BTN1A1: variants seen among roughly 807,000 people sequenced by gnomAD.
BTN1A1 encodes bK14H9.2 (butyrophilin, subfamily 1, member A1).
A neutral mutation model predicts 33.1 loss-of-function variants in BTN1A1; 26 were observed. The ratio of observed to expected loss-of-function variants is 0.79; its 90% CI spans 0.58 to 1.09. The LOEUF is 1.09. BTN1A1 is among the 50% of genes least tolerant of loss of function. BTN1A1 has a pLI of 0.00. For synonymous variants in BTN1A1, 235 were observed against 256.2 expected, an observed-to-expected ratio of 0.92 and a Z score of 0.79; for missense variants, 558 against 655.7, an observed-to-expected ratio of 0.85 and a Z score of 1.63.
chr6:26,507,998 C>T, intron 6 of BTN1A1, 28 bp downstream of exon 6: 1 of 1,613,668 alleles, frequency 6.2e-7, no homozygotes, highest in Non-Finnish European at 8.5e-7. Flanking sequence ...GTTATTTCAC[C>T]CACAGAGTTT....
Position 26,508,697 on chromosome 6 carries a change from T to C in BTN1A1, c.1104T>C (p.Thr368=). 6.2e-7 allele frequency: 1 copy of C among 1,614,158 alleles called. No homozygotes were observed. ...HYWEVEVGDR[T]DWAIGVCREN... The stretch of plus-strand genomic sequence containing the variant: ...GGGAGGTGGAGGTGGGAGACAGGAC[T>C]GACTGGGCAATCGGCGTGTGTAGGG... Residue 368 remains threonine (T), a synonymous_variant, in exon 8 of 8, where the codon ACT becomes ACC. Transcript: ENST00000684113.
intron 4 of BTN1A1, 46 bp from the exon 5 acceptor site, chr6:26,506,637 G>C: frequency 1.9e-6 from 3 of 1,601,072 alleles, no homozygotes; most frequent in Non-Finnish European, 2.6e-6. Context: ...AGCTGGACTT[G>C]CTCAGAATTT....
intron 5 of BTN1A1, among the ~76,000 whole-genome samples, chr6:26,507,721 T>TAAAAAAA (rs1554139273): frequency 2.7e-5 from 4 of 147,852 alleles, no homozygotes; most frequent in Admixed American, 6.8e-5. Flanking sequence ...TGAGATTCTA[T>TAAAAAAA]AAAAAAAAAA....
intron 3 of BTN1A1, among the ~76,000 whole-genome samples, chr6:26,503,974 C>T (rs1763835139): frequency 6.6e-6 from 1 of 151,980 alleles, no homozygotes; most frequent in South Asian, 2.1e-4. Flanking sequence ...GGATTTTAAC[C>T]AGTGGTTGTG....
In BTN1A1 at chr6:26,501,027, T is replaced by A. The variant is rs188685906; in HGVS notation, c.-57-203T>A. Among the ~76,000 whole-genome samples, 1 of 152,274 alleles carries A rather than the reference T, an allele frequency of 6.6e-6. No homozygotes were observed. Reference sequence around the variant, plus strand: ...AGTGTTATGCCTCACAGTTCCCTTCTCCTAAGTTTTAGAGTTAGAGTAGTG... The same window carrying A: ...AGTGTTATGCCTCACAGTTCCCTTCACCTAAGTTTTAGAGTTAGAGTAGTG... On this transcript the variant is annotated intron_variant, in intron 1 of 7. Transcript: ENST00000684113. This position sits in a 1 kb window ranked among gnomAD's most constrained non-coding sequence, Gnocchi z 5.2.
In BTN1A1 at chr6:26,508,551, G is replaced by A; in HGVS notation, c.958G>A (p.Glu320Lys). The change falls in exon 8 of 8, where the codon GAG (glutamate) becomes AAG (lysine). Residue 320 changes from glutamate to lysine, a missense_variant. Physicochemically the swap from Glu to Lys is moderately conservative, Grantham distance 56 (BLOSUM62 1). Coordinates refer to ENST00000684113, the MANE Select transcript of BTN1A1 (RefSeq NM_001732.3). ...DTAHPHLFLYEDSKSVRLEDS... is the reference protein window; with the variant it reads ...DTAHPHLFLYKDSKSVRLEDS... Reference sequence around the variant, plus strand: ...AGCTCATCCCCACCTCTTTCTTTATGAGGATTCAAAATCTGTTCGACTGGA... The same window carrying A: ...AGCTCATCCCCACCTCTTTCTTTATAAGGATTCAAAATCTGTTCGACTGGA... The A allele has an allele frequency of 6.2e-7, 1 of 1,614,072 alleles. No individual in the cohort carries two copies. The highest frequency in any genetic ancestry group is 8.5e-7 in the Non-Finnish European group (1 of 1,180,022).
rs1191886611 is a variant in BTN1A1 at position 26,509,995 on chromosome 6, T to G, written c.*821T>G. On this transcript the variant is annotated 3_prime_UTR_variant, in exon 8 of 8. Coordinates refer to ENST00000684113, the MANE Select transcript of BTN1A1 (RefSeq NM_001732.3). ...CACAAGTTTCCAGTTGTCCTCTTCT[T>G]TTTGTTATAGCATCTCTCTATTTCA... 3 of 152,438 alleles carry G rather than the reference T, an allele frequency of 2.0e-5. No individual in the cohort carries two copies. The highest frequency in any genetic ancestry group is 4.1e-4 in the South Asian group (2 of 4,828). The allele number at this position is 152,438 out of a possible 1,614,324, so 9.4% of individuals were successfully genotyped here. A position where few individuals can be genotyped will look rare whatever the true frequency, so the allele number is the denominator to read the frequency against.
rs1581428067 is a variant in BTN1A1 at position 26,501,919 on chromosome 6, G to A, written c.409G>A (p.Val137Met). The A allele has an allele frequency of 1.3e-6, 2 of 1,579,252 alleles. No individual in the cohort carries two copies. The highest frequency in any genetic ancestry group is 8.6e-7 in the Non-Finnish European group (1 of 1,160,744). The change falls in exon 3 of 8, where the codon GTG becomes ATG. Residue 137 changes from valine (V) to methionine (M), a missense_variant. By Grantham distance (21) the Val-to-Met change is conservative (BLOSUM62 1). Coordinates refer to ENST00000684113, the MANE Select transcript of BTN1A1 (RefSeq NM_001732.3). This position sits in a 1 kb window ranked among gnomAD's most constrained non-coding sequence, Gnocchi z 5.2. The stretch of plus-strand genomic sequence containing the variant: ...GGATGGAAGCTACGAAGAAGCCCTG[G>A]TGCATCTGAAGGTGGCTGGTGAGTA... Reference protein sequence around the residue: ...REDGSYEEALVHLKVAALGSD... With the variant: ...REDGSYEEALMHLKVAALGSD...
intron 3 of BTN1A1, among the ~76,000 whole-genome samples, chr6:26,504,575 AC>A (rs1763845538): frequency 6.6e-6 from 1 of 151,896 alleles, no homozygotes; most frequent in African/African-American, 2.4e-5. Context: ...GCAGCCTTGA[AC>A]TCCTGAACTC....
intron 3 of BTN1A1, among the ~76,000 whole-genome samples, chr6:26,504,054 T>C (rs1261585285): frequency 2.6e-5 from 4 of 152,072 alleles, no homozygotes; most frequent in African/African-American, 4.8e-5. Flanking sequence ...CAGAAAAAAA[T>C]AGGCTAAACA....
In BTN1A1 at chr6:26,509,293, T is replaced by G; in HGVS notation, c.*119T>G. ...TTCCTGTTGGGTGGCAATTAATTAATCCTGTGAAGGTTACATTGCTGCTGC... is the reference window on the plus strand; with the variant it reads ...TTCCTGTTGGGTGGCAATTAATTAAGCCTGTGAAGGTTACATTGCTGCTGC... On this transcript the variant is annotated 3_prime_UTR_variant, in exon 8 of 8. Transcript: ENST00000684113. 3 of 949,218 alleles carry G rather than the reference T, an allele frequency of 3.2e-6. No homozygotes were observed. The highest frequency in any genetic ancestry group is 4.7e-6 in the Non-Finnish European group (3 of 637,738). 58.8% of individuals were successfully genotyped at this position (949,218 alleles called of 1,614,324 possible).
At position 26,501,861 on chromosome 6, in the gene BTN1A1, T is replaced by A. The variant is rs1207724995; in HGVS notation, c.351T>A (p.Ser117=). ...VALRIRGVRV[S]DDGEYTCFFR... is the part of the protein sequence containing the mutation. ...TGAGGATCCGTGGCGTCAGAGTCTC[T>A]GACGACGGGGAGTACACGTGCTTTT... Residue 117 remains serine, a synonymous_variant, in exon 3 of 8, where the codon TCT becomes TCA. Transcript: ENST00000684113. This position sits in a 1 kb window ranked among gnomAD's most constrained non-coding sequence, Gnocchi z 5.2. 6.2e-7 allele frequency: 1 copy of A among 1,610,262 alleles called. No individual in the cohort carries two copies. The highest frequency in any genetic ancestry group is 8.5e-7 in the Non-Finnish European group (1 of 1,177,328).
intron 4 of BTN1A1, among the ~76,000 whole-genome samples, chr6:26,506,040 A>T (rs1056061572): frequency 6.7e-6 from 1 of 149,018 alleles, no homozygotes; most frequent in African/African-American, 2.5e-5. Context: ...AATGGTGTGA[A>T]CCCGGGAGGC....
At chr6:26,502,115 A>G (rs1022013137) in intron 3 of BTN1A1, among the ~76,000 whole-genome samples, 178 bp downstream of exon 3, 1 of 152,240 alleles carries the variant, frequency 6.6e-6, no homozygotes, top group Non-Finnish European at 1.5e-5. Flanking sequence ...TTACCAAGAC[A>G]GTTGTAAAGA....
chr6:26,501,735 G>T lies in BTN1A1; in HGVS notation c.225G>T (p.Leu75=). The change falls in exon 3 of 8, where the codon CTG becomes CTT. Residue 75 remains leucine (L), a synonymous_variant. Transcript: ENST00000684113. The surrounding 1 kb of genome is among the most constrained non-coding windows in gnomAD (Gnocchi z 5.2). ...GAAAGAAGGTTTCGCCGGCCGTGCTGGTGCATAGGGACGGGCGCGAGCAGG... is the reference window on the plus strand; with the variant it reads ...GAAAGAAGGTTTCGCCGGCCGTGCTTGTGCATAGGGACGGGCGCGAGCAGG... ...WFRKKVSPAV[L]VHRDGREQEA... 4 of 1,613,888 alleles carry T rather than the reference G, an allele frequency of 2.5e-6. No homozygotes were observed. Among genetic ancestry groups the T allele is most frequent in the Middle Eastern group, 1.7e-4 (1 of 6,058 alleles).
At position 26,505,133 on chromosome 6, in the gene BTN1A1, T is replaced by C. The variant is rs1297660851; in HGVS notation, c.636T>C (p.Ser212=). 1 of 1,613,998 alleles carries C rather than the reference T, an allele frequency of 6.2e-7. No individual in the cohort carries two copies. The highest frequency in any genetic ancestry group is 8.5e-7 in the Non-Finnish European group (1 of 1,179,846). The part of the protein sequence containing the change: ...VAASVIIRDT[S]AKNVSCYIQN... ...CTTCAGTGATCATCAGAGACACTTC[T>C]GCGAAAAATGTGTCCTGCTACATCC... Residue 212 remains serine, a synonymous_variant, in exon 4 of 8, where the codon TCT becomes TCC. Coordinates refer to ENST00000684113, the MANE Select transcript of BTN1A1 (RefSeq NM_001732.3).
Position 26,501,449 on chromosome 6 carries a change from A to G in BTN1A1, c.79+84A>G. The G allele has an allele frequency of 6.4e-7, 1 of 1,571,210 alleles. No homozygotes were observed. The highest frequency in any genetic ancestry group is 8.7e-7 in the Non-Finnish European group (1 of 1,142,894). On this transcript the variant is annotated intron_variant, in intron 2 of 7. Coordinates refer to ENST00000684113, the MANE Select transcript of BTN1A1 (RefSeq NM_001732.3). This position sits in a 1 kb window ranked among gnomAD's most constrained non-coding sequence, Gnocchi z 5.2. ...AACAATCCCACTTGGCTCTCCCTGG[A>G]GACCTCCACTGGATCCAGACAAACT... is the stretch of plus-strand genomic sequence containing the variant.
In BTN1A1 at chr6:26,501,191, A is replaced by G; in HGVS notation, c.-57-39A>G. The G allele has an allele frequency of 9.5e-7, 1 of 1,047,796 alleles. No individual in the cohort carries two copies. The allele number at this position is 1,047,796 out of a possible 1,614,324, so 64.9% of individuals were successfully genotyped here. ...GAGGACTTTGGAAAGCGGAGGGTTG[A>G]CAGAGCCGGTAGTTGTCTCCTGTCC... On this transcript the variant is annotated intron_variant, in intron 1 of 7. Transcript: ENST00000684113. The surrounding 1 kb of genome is among the most constrained non-coding windows in gnomAD (Gnocchi z 5.2).
intron 5 of BTN1A1, among the ~76,000 whole-genome samples, chr6:26,507,735 G>C (rs1763889965): frequency 8.7e-6 from 1 of 115,470 alleles, no homozygotes; most frequent in African/African-American, 3.3e-5. Flanking sequence ...AAAAAAATCT[G>C]ATCCCAAGCC....
Sources: gnomAD v4.1 joint callset for allele counts (sites outside exome capture counted in the v4.1 genomes callset) on GRCh38, gnomAD v4.1.1 for gene constraint, Gnocchi (gnomAD v3.1) non-coding constraint, MANE v1.5 for transcripts, NCBI Gene and HGNC (gene_info 2026-07-23, HGNC 2026-07-21) for gene names.